Variants in ARHGEF40 observed in about 807,000 individuals in gnomAD.
The protein encoded by ARHGEF40 is Rho guanine nucleotide exchange factor 40.
In ARHGEF40, 98 loss-of-function variants were observed where a neutral mutation model predicts 165.9. That is an observed-to-expected ratio of 0.59 (90% CI 0.50 to 0.70). The LOEUF (loss-of-function observed/expected upper bound fraction) is 0.70, where lower values mean the gene tolerates loss of function less well. ARHGEF40 is among the 30% of genes least tolerant of loss of function. The pLI is 0.00. For missense variants in ARHGEF40, 1,815 were observed against 1,968.0 expected, an observed-to-expected ratio of 0.92 and a Z score of 1.47; for synonymous variants, 792 against 814.3, an observed-to-expected ratio of 0.97 and a Z score of 0.47.
rs1566530705 is a variant in ARHGEF40, at chr14:21,080,241, CACACACA to C, written c.2374-418_2374-412del. 3.2e-3 allele frequency among the ~76,000 whole-genome samples: 330 copies of C among 102,454 alleles called. 1 individual carries two copies. Among genetic ancestry groups the C allele is most frequent in the South Asian group, 0.026 (83 of 3,232 alleles). 67.2% of individuals were successfully genotyped at this position (102,454 alleles called of 152,430 possible). A position where few individuals can be genotyped will look rare whatever the true frequency, so the allele number is the denominator to read the frequency against. ...ACACACACACACACACACACACACA[CACACACA>C]CCCCTTCTGTACTGTTTCTCCAGGC... is the stretch of plus-strand genomic sequence containing the variant. On this transcript the variant is annotated intron_variant, in intron 11 of 23. Coordinates refer to ENST00000298694, the MANE Select transcript of ARHGEF40 (RefSeq NM_018071.5).
Position 21,075,592 on chromosome 14 carries a change from G to A in ARHGEF40, c.1619-53G>A. ...ACTGGGGGAGGCAGGGTGGAAAGGAGGTAGGCATGGACTGCTCCCAGCCAG... is the reference window on the plus strand; with the variant it reads ...ACTGGGGGAGGCAGGGTGGAAAGGAAGTAGGCATGGACTGCTCCCAGCCAG... On this transcript the variant is annotated intron_variant, in intron 4 of 23. Coordinates refer to ENST00000298694, the MANE Select transcript of ARHGEF40 (RefSeq NM_018071.5). This position sits in a 1 kb window ranked among gnomAD's most constrained non-coding sequence, Gnocchi z 4.5. 1 of 1,613,904 alleles carries A rather than the reference G, an allele frequency of 6.2e-7. No homozygotes were observed. The highest frequency in any genetic ancestry group is 8.5e-7 in the Non-Finnish European group (1 of 1,180,014).
rs1409173173 is a variant in ARHGEF40 at position 21,075,231 on chromosome 14, G to T, written c.1450+51G>T. ...TGGGGCAAGGGCCAAAGCAGGTCGG[G>T]CCTATGGGAGGGGGCAGGAGGAGGA... On this transcript the variant is annotated intron_variant, in intron 3 of 23. Coordinates refer to ENST00000298694, the MANE Select transcript of ARHGEF40 (RefSeq NM_018071.5). This position sits in a 1 kb window ranked among gnomAD's most constrained non-coding sequence, Gnocchi z 4.5. 1 of 1,585,422 alleles carries T rather than the reference G, an allele frequency of 6.3e-7. No individual in the cohort carries two copies. The highest frequency in any genetic ancestry group is 1.3e-5 in the African/African-American group (1 of 74,328).
At chr14:21,083,725 T>G (rs1211757340) in intron 16 of ARHGEF40, 110 bp from the exon 17 acceptor site, 1 of 988,258 alleles carries the variant, frequency 1.0e-6, no homozygotes, top group East Asian at 2.6e-5. Context: ...GCATCTGGGC[T>G]TCATCTATAC....
At chr14:21,078,560 C>G in intron 10 of ARHGEF40, 72 bp downstream of exon 10, 1 of 1,427,924 alleles carries the variant, frequency 7.0e-7, no homozygotes, top group Non-Finnish European at 9.5e-7. Flanking sequence ...GCCAACAAAC[C>G]TTAGCTGCCA....
chr14:21,072,784 C>A lies in ARHGEF40; in HGVS notation c.4-261C>A, dbSNP rs1266458485. ...CACCCGGAACAGCCCTGATCAGGGGCATTCACAACAAATTCTCCCTGGATC... is the reference window on the plus strand; with the variant it reads ...CACCCGGAACAGCCCTGATCAGGGGAATTCACAACAAATTCTCCCTGGATC... On this transcript the variant is annotated intron_variant, in intron 1 of 23. Coordinates refer to ENST00000298694, the MANE Select transcript of ARHGEF40 (RefSeq NM_018071.5). The surrounding 1 kb of genome is among the most constrained non-coding windows in gnomAD (Gnocchi z 4.1). Among the ~76,000 whole-genome samples the A allele has an allele frequency of 6.6e-6, 1 of 152,194 alleles. No homozygotes were observed. Among genetic ancestry groups the A allele is most frequent in the African/African-American group, 2.4e-5 (1 of 41,450 alleles).
Position 21,074,447 on chromosome 14 carries a change from G to A in ARHGEF40, c.717G>A (p.Glu239=). The A allele has an allele frequency of 6.3e-7, 1 of 1,599,604 alleles. No homozygotes were observed. Among genetic ancestry groups the A allele is most frequent in the Non-Finnish European group, 8.5e-7 (1 of 1,173,744 alleles). ...ACAATGCCCCTGTGGAAGGACCTGAGGGCGAGTATGTGGAGCTGTTAGAGG... is the reference window on the plus strand; with the variant it reads ...ACAATGCCCCTGTGGAAGGACCTGAAGGCGAGTATGTGGAGCTGTTAGAGG... ...DGHNAPVEGP[E]GEYVELLEVT... Residue 239 remains glutamate, a synonymous_variant, in exon 3 of 24, where the codon GAG becomes GAA. Coordinates refer to ENST00000298694, the MANE Select transcript of ARHGEF40 (RefSeq NM_018071.5). The surrounding 1 kb of genome is among the most constrained non-coding windows in gnomAD (Gnocchi z 4.8).
chr14:21,078,652 G>A (rs1887629564), intron 10 of ARHGEF40, among the ~76,000 whole-genome samples, 164 bp downstream of exon 10: 1 of 152,220 alleles, frequency 6.6e-6, no homozygotes, highest in African/African-American at 2.4e-5. Flanking sequence ...ACATCCTTAT[G>A]TGCCATTTAC....
At chr14:21,069,762 T>G (rs919143808), upstream of ARHGEF40, among the ~76,000 whole-genome samples, 16 of 152,014 alleles carry the variant, frequency 1.1e-4, no homozygotes, top group African/African-American at 3.9e-4. Context: ...GGCCCTCCGC[T>G]CTCTGCTAGG....
At chr14:21,064,644 C>G in the ARHGEF40 span, among the ~76,000 whole-genome samples, 1 of 152,114 alleles carries the variant, frequency 6.6e-6, no homozygotes, top group Non-Finnish European at 1.5e-5. Flanking sequence ...AAAAATTATA[C>G]TTATGCGTGG....
intron 15 of ARHGEF40, 40 bp from the exon 16 acceptor site, chr14:21,082,791 G>A: frequency 6.3e-7 from 1 of 1,588,912 alleles, no homozygotes; most frequent in East Asian, 2.2e-5. Flanking sequence ...GTCTGCAGCG[G>A]CCTCACCGGG....
chr14:21,063,159 C>T, the ARHGEF40 span, among the ~76,000 whole-genome samples: 26 of 151,726 alleles, frequency 1.7e-4, no homozygotes, highest in Admixed American at 5.3e-4. Flanking sequence ...AAACAAAAAA[C>T]GGATTTTAAG....
At position 21,074,999 on chromosome 14, in the gene ARHGEF40, C is replaced by T; in HGVS notation, c.1269C>T (p.His423=). 2 of 1,613,656 alleles carry T rather than the reference C, an allele frequency of 1.2e-6. No homozygotes were observed. The highest frequency in any genetic ancestry group is 1.7e-6 in the Non-Finnish European group (2 of 1,179,936). ...GCAATCTGCCCTCACCAAGTGAGCA[C>T]AAGCTTCCAGAATGCCACCTGGTTA... ...ALGNLPSPSE[H]KLPECHLVKE... Residue 423 remains histidine, a synonymous_variant, in exon 3 of 24, where the codon CAC becomes CAT. Coordinates refer to ENST00000298694, the MANE Select transcript of ARHGEF40 (RefSeq NM_018071.5). The surrounding 1 kb of genome is among the most constrained non-coding windows in gnomAD (Gnocchi z 4.8).
In ARHGEF40 at chr14:21,082,387, G is replaced by A. The variant is rs769104053; in HGVS notation, c.3395G>A (p.Arg1132Lys). Reference sequence around the variant, plus strand: ...GCTGCTGCCCTGAGTGCCCGGGAAAGGCTTCGCAGCTTCCACCGGACACAC... The same window carrying A: ...GCTGCTGCCCTGAGTGCCCGGGAAAAGCTTCGCAGCTTCCACCGGACACAC... ...TWAAALSARE[R>K]LRSFHRTHFL... The change falls in exon 15 of 24, where the codon AGG becomes AAG. Residue 1132 changes from arginine to lysine, a missense_variant. By Grantham distance (26) the Arg-to-Lys change is conservative. Transcript: ENST00000298694. 2.5e-6 allele frequency: 4 copies of A among 1,611,760 alleles called. No individual in the cohort carries two copies. The highest frequency in any genetic ancestry group is 1.7e-5 in the Admixed American group (1 of 59,986).
In ARHGEF40 at chr14:21,070,486, G is replaced by A. The variant is rs987438211; in HGVS notation, c.3+87G>A. ...CCAAGTCCTCAGCCTGGTGCCTCCC[G>A]AGCCTGCCTCGGACTGTTCGGCCCC... On this transcript the variant is annotated intron_variant, in intron 1 of 23. Coordinates refer to ENST00000298694, the MANE Select transcript of ARHGEF40 (RefSeq NM_018071.5). The surrounding 1 kb of genome is among the most constrained non-coding windows in gnomAD (Gnocchi z 4.7). 44 of 1,336,630 alleles carry A rather than the reference G, an allele frequency of 3.3e-5. No individual in the cohort carries two copies. The highest frequency in any genetic ancestry group is 4.5e-5 in the African/African-American group (3 of 65,940). The allele number at this position is 1,336,630 out of a possible 1,614,324, so 82.8% of individuals were successfully genotyped here. A position where few individuals can be genotyped will look rare whatever the true frequency, so the allele number is the denominator to read the frequency against.
chr14:21,082,701 C>A, intron 15 of ARHGEF40, 130 bp from the exon 16 acceptor site: 1 of 1,096,590 alleles, frequency 9.1e-7, no homozygotes, highest in Non-Finnish European at 1.3e-6. Context: ...CCCTTCCCTC[C>A]CTGGTAGGCT....
rs1282863709 is a variant in ARHGEF40, at chr14:21,074,130, G to C, written c.400G>C (p.Val134Leu). 3 of 1,614,142 alleles carry C rather than the reference G, an allele frequency of 1.9e-6. No individual in the cohort carries two copies. The Admixed American group carries it at 5.0e-5, about 27-fold the overall frequency. The change falls in exon 3 of 24, where the codon GTT (valine) becomes CTT (leucine). Residue 134 changes from valine to leucine, a missense_variant. Coordinates refer to ENST00000298694, the MANE Select transcript of ARHGEF40 (RefSeq NM_018071.5). This position sits in a 1 kb window ranked among gnomAD's most constrained non-coding sequence, Gnocchi z 4.8. ...CCCTGGGGGTGGGCGGGTGCAGGAG[G>C]TTCCTGTGCCCAATGAGGCTTGTGC... ...LAPGGGRVQE[V>L]PVPNEACAYL...
intron 16 of ARHGEF40, among the ~76,000 whole-genome samples, chr14:21,083,530 A>C (rs1888100816): frequency 6.6e-6 from 1 of 152,224 alleles, no homozygotes; most frequent in African/African-American, 2.4e-5. Context: ...AGCCTGGGCG[A>C]CAGAGCAAGA....
upstream of ARHGEF40, among the ~76,000 whole-genome samples, chr14:21,067,781 C>CACACAT (rs1566513946): frequency 6.6e-6 from 1 of 151,712 alleles, no homozygotes; most frequent in African/African-American, 2.4e-5. Flanking sequence ...CACACACACA[C>CACACAT]ACACTTTTAG....
At chr14:21,077,382 G>A (rs1257813374) in intron 8 of ARHGEF40, among the ~76,000 whole-genome samples, 1 of 147,170 alleles carries the variant, frequency 6.8e-6, no homozygotes, top group Non-Finnish European at 1.5e-5. Flanking sequence ...GCCTCCCGAA[G>A]TGCTAAGATT....
Sources: allele counts gnomAD v4.1 joint callset (sites outside exome capture counted in the v4.1 genomes callset), GRCh38; gene constraint gnomAD v4.1.1; non-coding constraint Gnocchi (gnomAD v3.1); transcripts MANE v1.5; gene names NCBI Gene and HGNC (gene_info 2026-07-23, HGNC 2026-07-21).